Variants in RAPGEF6 observed in about 807,000 individuals in gnomAD.
RAPGEF6 encodes the protein Rap guanine nucleotide exchange factor 6, also known as PDZ domain containing guanine nucleotide exchange factor (GEF) 2.
Under a neutral mutation model 171.4 loss-of-function variants are expected in RAPGEF6, and 56 were observed. The ratio of observed to expected loss-of-function variants is 0.33; its 90% CI spans 0.26 to 0.41. The LOEUF (loss-of-function observed/expected upper bound fraction) is 0.41, where lower values mean the gene tolerates loss of function less well. RAPGEF6 is among the 10% of genes least tolerant of loss of function. The pLI, the probability that RAPGEF6 is intolerant of heterozygous loss-of-function variation, is 1.00. For missense variants in RAPGEF6, 1,674 were observed against 1,921.4 expected, an observed-to-expected ratio of 0.87 and a Z score of 2.41; for synonymous variants, 692 against 650.1, an observed-to-expected ratio of 1.06 and a Z score of -0.98.
At chr5:131,472,781 G>A (rs375369184) in intron 16 of RAPGEF6, 37 bp from the exon 17 acceptor site, 10 of 1,552,064 alleles carry the variant, frequency 6.4e-6, no homozygotes, top group Admixed American at 1.7e-5. Context: ...TAAAGTATTT[G>A]AGAGTACTTA....
At chr5:131,569,263 C>T (rs976378398) in intron 4 of RAPGEF6, among the ~76,000 whole-genome samples, 2 of 152,030 alleles carry the variant, frequency 1.3e-5, no homozygotes, top group Non-Finnish European at 2.9e-5. Flanking sequence ...CCTAAAATAG[C>T]CAAAGCCATT....
chr5:131,510,509 G>T lies in RAPGEF6; in HGVS notation c.628-18C>A. ...TCCGTAGCCTATGAAAAGAAATCTT[G>T]ATCACTTACCATTTCATGTAAAAAA... On this transcript the variant is annotated intron_variant, in intron 7 of 27. Coordinates refer to ENST00000509018, the MANE Select transcript of RAPGEF6 (RefSeq NM_016340.6). 6.2e-7 allele frequency: 1 copy of T among 1,604,406 alleles called. No homozygotes were observed. The highest frequency in any genetic ancestry group is 1.1e-5 in the South Asian group (1 of 89,478).
At chr5:131,582,118 TA>T (rs1763002841) in intron 4 of RAPGEF6, among the ~76,000 whole-genome samples, 1 of 152,208 alleles carries the variant, frequency 6.6e-6, no homozygotes, top group Admixed American at 6.5e-5. Flanking sequence ...TCCAAGTGAA[TA>T]AATAGCCTTG....
chr5:131,619,898 CTAAT>C (rs1268431503), intron 1 of RAPGEF6, among the ~76,000 whole-genome samples: 1 of 152,196 alleles, frequency 6.6e-6, no homozygotes, highest in Non-Finnish European at 1.5e-5. Context: ...TGACATTAGA[CTAAT>C]TAATCTCTCT....
chr5:131,464,319 A>G, intron 17 of RAPGEF6, 38 bp from the exon 18 acceptor site: 1 of 1,572,002 alleles, frequency 6.4e-7, no homozygotes, highest in Non-Finnish European at 8.7e-7. Flanking sequence ...TATTTTTTAA[A>G]AAAATCACTT....
intron 1 of RAPGEF6, among the ~76,000 whole-genome samples, chr5:131,620,779 A>T (rs775696006): frequency 3.9e-4 from 60 of 152,184 alleles, no homozygotes; most frequent in Middle Eastern, 3.4e-3. Flanking sequence ...TTTAGTAGAG[A>T]CAGCATTTTG....
intron 4 of RAPGEF6, among the ~76,000 whole-genome samples, chr5:131,575,936 A>C (rs574008698): frequency 1.3e-5 from 2 of 152,082 alleles, no homozygotes; most frequent in African/African-American, 4.8e-5. Context: ...ATCACAAACC[A>C]TTCCCCACTT....
chr5:131,443,259 G>A (rs530385280), intron 22 of RAPGEF6, among the ~76,000 whole-genome samples: 12 of 151,754 alleles, frequency 7.9e-5, no homozygotes, highest in Non-Finnish European at 1.5e-4. Flanking sequence ...TGTATTTTTA[G>A]TAGAGATGGA....
chr5:131,548,291 C>T, intron 5 of RAPGEF6, 101 bp from the exon 6 acceptor site: 1 of 1,213,250 alleles, frequency 8.2e-7, no homozygotes, highest in East Asian at 2.4e-5. Flanking sequence ...TCATTTACTT[C>T]TTACAAGAAA....
chr5:131,522,615 G>C (rs147942720), intron 6 of RAPGEF6, among the ~76,000 whole-genome samples: 1 of 152,254 alleles, frequency 6.6e-6, no homozygotes, highest in Non-Finnish European at 1.5e-5. Flanking sequence ...AGATAATTCA[G>C]ACGAATCCTA....
rs758955623 is a variant in RAPGEF6, at chr5:131,442,549, G to C, written c.3422-12C>G. ...TAAATTCTTGGTCACTAACAGGAGA[G>C]AGTAAGAAATAAGTAACTGCACGTT... is the stretch of plus-strand genomic sequence containing the variant. On this transcript the variant is annotated splice_polypyrimidine_tract_variant and intron_variant, in intron 22 of 27. Coordinates refer to ENST00000509018, the MANE Select transcript of RAPGEF6 (RefSeq NM_016340.6). 6 of 1,612,590 alleles carry C rather than the reference G, an allele frequency of 3.7e-6. No individual in the cohort carries two copies. The highest frequency in any genetic ancestry group is 1.7e-5 in the Admixed American group (1 of 59,846).
intron 6 of RAPGEF6, among the ~76,000 whole-genome samples, chr5:131,537,166 C>T (rs1759829248): frequency 6.6e-6 from 1 of 152,182 alleles, no homozygotes; most frequent in Non-Finnish European, 1.5e-5. Flanking sequence ...ATCTGAGTTG[C>T]TTTAAACAAT....
intron 5 of RAPGEF6, among the ~76,000 whole-genome samples, chr5:131,559,587 T>C (rs932869391): frequency 1.3e-5 from 2 of 150,448 alleles, no homozygotes; most frequent in African/African-American, 2.4e-5. Flanking sequence ...ACTTGGGAGG[T>C]TGAGGTGGGA....
Position 131,446,533 on chromosome 5 carries a change from T to C in RAPGEF6, c.3371A>G (p.Glu1124Gly), listed in dbSNP as rs781485285. 4 of 1,614,244 alleles carry C rather than the reference T, an allele frequency of 2.5e-6. No homozygotes were observed. Among genetic ancestry groups the C allele is most frequent in the Non-Finnish European group, 3.4e-6 (4 of 1,180,034 alleles). The change falls in exon 22 of 28, where the codon GAG (glutamate) becomes GGG (glycine). Residue 1124 changes from glutamate to glycine, a missense_variant. Glu to Gly is a moderately conservative substitution (Grantham distance 98). Around this residue, in one of 3 missense-constraint regions of RAPGEF6, gnomAD observed 552 missense variants for 574.2 expected, o/e 0.96. Transcript: ENST00000509018. ...TAATGACATCATCTGGAACTTCTCCTCATCTGTCTCTACATCGAGACTGGA... is the reference window on the plus strand; with the variant it reads ...TAATGACATCATCTGGAACTTCTCCCCATCTGTCTCTACATCGAGACTGGA... Reference protein sequence around the residue: ...YLSSLDVETDEEKFQMMSLQW... With the variant: ...YLSSLDVETDGEKFQMMSLQW...
intron 4 of RAPGEF6, among the ~76,000 whole-genome samples, chr5:131,588,323 C>T (rs1763381787): frequency 1.3e-5 from 2 of 152,254 alleles, no homozygotes; most frequent in South Asian, 4.1e-4. Flanking sequence ...TGACTGATTC[C>T]AATTAGCAGA....
chr5:131,550,377 C>CT (rs1760844463), intron 5 of RAPGEF6, among the ~76,000 whole-genome samples: 1 of 152,158 alleles, frequency 6.6e-6, no homozygotes. Context: ...CCCCAAAATA[C>CT]TTTTATCACC....
chr5:131,443,794 T>C (rs866105883), intron 22 of RAPGEF6, among the ~76,000 whole-genome samples: 6 of 152,224 alleles, frequency 3.9e-5, no homozygotes, highest in Admixed American at 2.6e-4. Flanking sequence ...TTGTTCGTTA[T>C]TACATCCTTA....
chr5:131,528,352 C>CATAT (rs1348113937), intron 6 of RAPGEF6, among the ~76,000 whole-genome samples: 2 of 76,478 alleles, frequency 2.6e-5, no homozygotes, highest in Non-Finnish European at 5.3e-5. Context: ...CACACACACA[C>CATAT]ATATATATAT....
At position 131,604,698 on chromosome 5, in the gene RAPGEF6, G is replaced by A. The variant is rs1764445414; in HGVS notation, c.70-5C>T. On this transcript the variant is annotated splice_region_variant and splice_polypyrimidine_tract_variant and intron_variant, in intron 1 of 27. Transcript: ENST00000509018. ...AGAATAAATAGTATTTAAGTCCTGT[G>A]GAACAGAAGAAAAAAATTAGATTAT... 2 of 1,594,596 alleles carry A rather than the reference G, an allele frequency of 1.3e-6. No individual in the cohort carries two copies. The highest frequency in any genetic ancestry group is 1.7e-6 in the Non-Finnish European group (2 of 1,173,724).
Sources: allele counts gnomAD v4.1 joint callset (sites outside exome capture counted in the v4.1 genomes callset), GRCh38; gene constraint gnomAD v4.1.1; regional missense constraint gnomAD v4.1.1; transcripts MANE v1.5; gene names NCBI Gene and HGNC (gene_info 2026-07-23, HGNC 2026-07-21).